The following MACROD2 variants were observed in gnomAD, a reference collection of about 807,000 sequenced individuals.
MACROD2 encodes mono-ADP ribosylhydrolase 2.
MACROD2 carries 36 observed loss-of-function variants against 70.4 expected under a neutral mutation model. The observed-to-expected ratio is 0.51, with a 90% confidence interval of 0.39 to 0.68. The LOEUF is 0.68. Ranked by LOEUF, MACROD2 falls within the 30% of genes least tolerant of loss-of-function variation. MACROD2 has a pLI of 0.00. For missense variants in MACROD2, 496 were observed against 538.4 expected (o/e 0.92, Z 0.78); for synonymous variants, 172 against 178.8 (o/e 0.96, Z 0.30).
intron 6 of MACROD2, among the ~76,000 whole-genome samples, chr20:15,367,923 C>A (rs994513295): frequency 6.6e-6 from 1 of 151,892 alleles, no homozygotes; most frequent in African/African-American, 2.4e-5. Flanking sequence ...TTTTAGAGGT[C>A]TCACAGTTTT....
rs138004903 is a variant in MACROD2, at chr20:14,882,721, G to A, written c.418+197762G>A. 1.7e-3 allele frequency among the ~76,000 whole-genome samples: 256 copies of A among 152,244 alleles called. 1 individual carries two copies. Among genetic ancestry groups the A allele is most frequent in the Non-Finnish European group, 2.5e-3 (169 of 68,016 alleles). On this transcript the variant is annotated intron_variant, in intron 5 of 17. Coordinates refer to ENST00000684519, the MANE Select transcript of MACROD2 (RefSeq NM_001351661.2). ...CGTTAAGTTGAATAGATCAGAGTAC[G>A]GCATTGATTCTGGCTGTAAGATTTC...
At chr20:15,907,423 T>A (rs998557776) in intron 10 of MACROD2, among the ~76,000 whole-genome samples, 61 of 152,184 alleles carry the variant, frequency 4.0e-4, no homozygotes, top group African/African-American at 1.5e-3. Flanking sequence ...TACAGCCCAA[T>A]GAGGATGGGG....
chr20:15,168,550 C>T (rs1043436878), intron 5 of MACROD2, among the ~76,000 whole-genome samples: 3 of 151,536 alleles, frequency 2.0e-5, no homozygotes, highest in African/African-American at 4.9e-5. Context: ...AGCAGGGACT[C>T]GAACAGATGC....
At position 14,002,355 on chromosome 20, in the gene MACROD2, C is replaced by A. The variant is rs759161223; in HGVS notation, c.114C>A (p.Asn38Lys). Reference protein sequence around the residue: ...KEYLRDYIPLNSILSWKEEMK... With the variant: ...KEYLRDYIPLKSILSWKEEMK... ...ACCTAAGAGACTATATTCCCCTGAACAGCATTCTATCATGGAAGGAGGAGA... is the reference window on the plus strand; with the variant it reads ...ACCTAAGAGACTATATTCCCCTGAAAAGCATTCTATCATGGAAGGAGGAGA... The change falls in exon 2 of 18, where the codon AAC becomes AAA. Residue 38 changes from asparagine to lysine, a missense_variant. By Grantham distance (94) the Asn-to-Lys change is moderately conservative. Coordinates refer to ENST00000684519, the MANE Select transcript of MACROD2 (RefSeq NM_001351661.2). 9.9e-6 allele frequency: 16 copies of A among 1,610,294 alleles called. No homozygotes were observed. The African/African-American group carries it at 2.0e-4, about 20-fold the overall frequency.
intron 6 of MACROD2, among the ~76,000 whole-genome samples, chr20:15,332,519 G>C (rs1200603798): frequency 6.6e-6 from 1 of 151,588 alleles, no homozygotes; most frequent in Non-Finnish European, 1.5e-5. Context: ...ATAAAAACAA[G>C]CTTTAAATAT....
chr20:14,222,715 A>G (rs2081687789), intron 3 of MACROD2, among the ~76,000 whole-genome samples: 1 of 150,560 alleles, frequency 6.6e-6, no homozygotes, highest in African/African-American at 2.4e-5. Context: ...GTTAGATGCG[A>G]TTATTGTTAG....
intron 5 of MACROD2, among the ~76,000 whole-genome samples, chr20:14,694,328 C>T (rs2071096724): frequency 6.6e-6 from 1 of 152,132 alleles, no homozygotes; most frequent in African/African-American, 2.4e-5. Context: ...CAGAATTTTA[C>T]AGATAAAGTA....
intron 5 of MACROD2, among the ~76,000 whole-genome samples, chr20:15,077,971 A>G (rs372345740): frequency 2.0e-5 from 3 of 152,204 alleles, no homozygotes; most frequent in African/African-American, 7.2e-5. Context: ...ACAGGACTCA[A>G]TGCGGGGAAA....
intron 5 of MACROD2, among the ~76,000 whole-genome samples, chr20:14,838,915 T>G (rs1485241903): frequency 6.6e-6 from 1 of 152,042 alleles, no homozygotes; most frequent in Non-Finnish European, 1.5e-5. Flanking sequence ...GCAGGAGACA[T>G]AGAATCACAT....
At position 15,937,502 on chromosome 20, in the gene MACROD2, G is replaced by C. The variant is rs760177995; in HGVS notation, c.865G>C (p.Gly289Arg). The C allele has an allele frequency of 6.2e-7, 1 of 1,613,356 alleles. No individual in the cohort carries two copies. The highest frequency in any genetic ancestry group is 8.5e-7 in the Non-Finnish European group (1 of 1,179,542). ...TGGTGTCAACACTGTCACTGTGCCC[G>C]GCCCTGCTTCAGAAGAGGCAGTTGA... ...ADGVNTVTVP[G>R]PASEEAVEDC... The change falls in exon 12 of 18, where the codon GGC (glycine) becomes CGC (arginine). Residue 289 changes from glycine (G) to arginine (R), a missense_variant. By Grantham distance (125) the Gly-to-Arg change is moderately radical (BLOSUM62 -2). Transcript: ENST00000684519.
chr20:15,635,193 A>C (rs371880956), intron 8 of MACROD2, among the ~76,000 whole-genome samples: 1 of 152,188 alleles, frequency 6.6e-6, no homozygotes, highest in East Asian at 1.9e-4. Context: ...GTCAACTTTG[A>C]CTGATATGAA....
intron 8 of MACROD2, among the ~76,000 whole-genome samples, chr20:15,805,740 T>G (rs1261556709): frequency 6.6e-6 from 1 of 152,058 alleles, no homozygotes; most frequent in Non-Finnish European, 1.5e-5. Flanking sequence ...CCTCCCAGAG[T>G]GCTGGGATTA....
chr20:15,119,715 A>G (rs1479645449), intron 5 of MACROD2, among the ~76,000 whole-genome samples: 1 of 152,216 alleles, frequency 6.6e-6, no homozygotes, highest in Non-Finnish European at 1.5e-5. Flanking sequence ...ACATGTTCTG[A>G]TATGTTAGGC....
chr20:14,279,882 G>T (rs2082292441), intron 3 of MACROD2, among the ~76,000 whole-genome samples: 1 of 152,110 alleles, frequency 6.6e-6, no homozygotes, highest in African/African-American at 2.4e-5. Context: ...TTCTAAGTTA[G>T]TTTGTCACAT....
chr20:14,068,107 C>T (rs1601182576), intron 2 of MACROD2, among the ~76,000 whole-genome samples: 2 of 152,220 alleles, frequency 1.3e-5, no homozygotes, highest in African/African-American at 4.8e-5. Flanking sequence ...TGAACGCTCT[C>T]ATGCGCATGA....
chr20:14,850,054 T>C (rs745442858), intron 5 of MACROD2: 1 of 487,978 alleles, frequency 2.0e-6, no homozygotes, highest in Non-Finnish European at 4.0e-6. Context: ...CAGATCACAA[T>C]GACTTAATGA....
chr20:15,703,129 A>G (rs1291922452), intron 8 of MACROD2, among the ~76,000 whole-genome samples: 1 of 152,238 alleles, frequency 6.6e-6, no homozygotes, highest in Non-Finnish European at 1.5e-5. Context: ...TTCACCAAAT[A>G]CAAAAATTAA....
intron 9 of MACROD2, among the ~76,000 whole-genome samples, chr20:15,877,795 C>T (rs570135658): frequency 6.6e-6 from 1 of 152,230 alleles, no homozygotes; most frequent in Non-Finnish European, 1.5e-5. Context: ...CACAAGAAGC[C>T]TGTGGTAAGA....
At chr20:14,406,301 A>C (rs2083690518) in intron 3 of MACROD2, among the ~76,000 whole-genome samples, 1 of 152,114 alleles carries the variant, frequency 6.6e-6, no homozygotes. Flanking sequence ...AAATTATTTA[A>C]ATATCACCTT....
Sources: allele counts gnomAD v4.1 joint callset (sites outside exome capture counted in the v4.1 genomes callset), GRCh38; gene constraint gnomAD v4.1.1; transcripts MANE v1.5; gene names NCBI Gene and HGNC (gene_info 2026-07-23, HGNC 2026-07-21).